PALM2AKAP2: variants seen among roughly 807,000 people sequenced by gnomAD.
The protein encoded by PALM2AKAP2 is PALM2 and AKAP2 fusion.
PALM2AKAP2 carries 37 observed loss-of-function variants against 71.5 expected under a neutral mutation model. The observed-to-expected ratio is 0.52, with a 90% CI of 0.40 to 0.68. The LOEUF (loss-of-function observed/expected upper bound fraction) is 0.68. Ranked by LOEUF, PALM2AKAP2 falls within the 30% of genes least tolerant of loss-of-function variation. The probability of loss-of-function intolerance (pLI) is 0.00; values close to 1 mark genes in which losing one functional copy is unlikely to be tolerated. For synonymous variants in PALM2AKAP2, 468 were observed against 478.8 expected (o/e 0.98, Z 0.29); for missense variants, 1,224 against 1,191.8 (o/e 1.03, Z -0.40).
intron 1 of PALM2AKAP2, among the ~76,000 whole-genome samples, chr9:109,759,231 A>T (rs1302446747): frequency 6.6e-6 from 1 of 152,056 alleles, no homozygotes; most frequent in Non-Finnish European, 1.5e-5. Flanking sequence ...TTTATGCATT[A>T]TAGAACCCAG....
chr9:110,099,950 G>C (rs981999987), intron 1 of PALM2AKAP2, among the ~76,000 whole-genome samples: 2 of 150,894 alleles, frequency 1.3e-5, no homozygotes, highest in South Asian at 2.1e-4. Flanking sequence ...AGAGCTGGAG[G>C]GGGAGGGGGT....
chr9:110,018,006 G>A (rs1359496249), intron 7 of PALM2AKAP2, among the ~76,000 whole-genome samples: 4 of 151,984 alleles, frequency 2.6e-5, no homozygotes, highest in Non-Finnish European at 4.4e-5. Flanking sequence ...GATTACAGGC[G>A]TGAGTCACCG....
At chr9:110,068,574 G>A (rs912114911) in intron 1 of PALM2AKAP2, among the ~76,000 whole-genome samples, 4 of 141,280 alleles carry the variant, frequency 2.8e-5, no homozygotes, top group Non-Finnish European at 5.9e-5. Flanking sequence ...CTGTTGCCCA[G>A]GCTGGAGTGT....
chr9:110,049,818 C>T (rs1333386340), intron 1 of PALM2AKAP2, among the ~76,000 whole-genome samples: 1 of 152,236 alleles, frequency 6.6e-6, no homozygotes, highest in Non-Finnish European at 1.5e-5. Context: ...AGCTGTGGCG[C>T]TGGTGGCCGG....
chr9:109,695,891 A>T (rs1827963089), intron 1 of PALM2AKAP2, among the ~76,000 whole-genome samples: 1 of 152,154 alleles, frequency 6.6e-6, no homozygotes, highest in Non-Finnish European at 1.5e-5. Flanking sequence ...GGTGATGAAG[A>T]GAGGTTGGTT....
At chr9:109,970,836 G>A (rs1024896099) in intron 6 of PALM2AKAP2, among the ~76,000 whole-genome samples, 1 of 152,204 alleles carries the variant, frequency 6.6e-6, no homozygotes, top group African/African-American at 2.4e-5. Context: ...GCCAGGTGCC[G>A]GGGCTCATGC....
At chr9:110,098,498 GTA>G (rs1437067236) in intron 1 of PALM2AKAP2, among the ~76,000 whole-genome samples, 7 of 152,172 alleles carry the variant, frequency 4.6e-5, no homozygotes, top group Non-Finnish European at 7.3e-5. Flanking sequence ...TGTAAATTAA[GTA>G]TATCTCAATG....
At chr9:110,108,104 GTTTTTCTT>G (rs1835159448) in intron 1 of PALM2AKAP2, among the ~76,000 whole-genome samples, 2 of 142,360 alleles carry the variant, frequency 1.4e-5, no homozygotes, top group African/African-American at 5.2e-5. Context: ...TGTGCCTTTT[GTTTTTCTT>G]TTTTTCTTTT....
intron 1 of PALM2AKAP2, among the ~76,000 whole-genome samples, chr9:109,654,459 G>C (rs535932798): frequency 9.9e-5 from 15 of 152,278 alleles, no homozygotes; most frequent in East Asian, 7.7e-4. Context: ...TTGTTAATTA[G>C]ACTGCACAGA....
intron 1 of PALM2AKAP2, among the ~76,000 whole-genome samples, chr9:110,102,842 A>G (rs1423106979): frequency 6.6e-6 from 1 of 152,094 alleles, no homozygotes; most frequent in East Asian, 1.9e-4. Context: ...TTCCTCCTCG[A>G]GCCCCTTACC....
chr9:109,974,674 T>A (rs1315894043), intron 6 of PALM2AKAP2, among the ~76,000 whole-genome samples: 2 of 152,200 alleles, frequency 1.3e-5, no homozygotes, highest in Admixed American at 6.5e-5. Flanking sequence ...ACCGCAATAG[T>A]AAGAAATACC....
intron 5 of PALM2AKAP2, among the ~76,000 whole-genome samples, chr9:109,929,415 C>A (rs1227173210): frequency 1.3e-5 from 2 of 152,078 alleles, no homozygotes; most frequent in East Asian, 3.9e-4. Flanking sequence ...TACTGCTTCA[C>A]TCTTCCCACG....
intron 6 of PALM2AKAP2, among the ~76,000 whole-genome samples, chr9:109,981,803 T>C (rs1369031746): frequency 6.6e-6 from 1 of 151,524 alleles, no homozygotes; most frequent in Non-Finnish European, 1.5e-5. Flanking sequence ...AAACACGCAA[T>C]AACAAATGCC....
chr9:109,887,123 A>G (rs1829982849), intron 3 of PALM2AKAP2, among the ~76,000 whole-genome samples: 1 of 152,242 alleles, frequency 6.6e-6, no homozygotes, highest in Non-Finnish European at 1.5e-5. Flanking sequence ...TCAAAGCCAA[A>G]GGCGTAGAGA....
chr9:110,046,980 G>A (rs569125149), upstream of PALM2AKAP2, among the ~76,000 whole-genome samples: 196 of 152,058 alleles, frequency 1.3e-3, no homozygotes, highest in Non-Finnish European at 1.9e-3. Context: ...TTTAATGTGA[G>A]TTTTTCACAT....
intron 1 of PALM2AKAP2, among the ~76,000 whole-genome samples, chr9:109,696,256 A>T (rs1257084423): frequency 6.6e-6 from 1 of 152,230 alleles, no homozygotes; most frequent in Non-Finnish European, 1.5e-5. Flanking sequence ...AAGAAAAAAA[A>T]GCCCAGTAGC....
At chr9:109,962,667 G>T (rs1831874081) in intron 6 of PALM2AKAP2, among the ~76,000 whole-genome samples, 1 of 148,074 alleles carries the variant, frequency 6.8e-6, no homozygotes, top group Non-Finnish European at 1.5e-5. Context: ...TTGTAAGACA[G>T]AGTCTTACTC....
intron 3 of PALM2AKAP2, among the ~76,000 whole-genome samples, chr9:109,884,910 G>A (rs1162552440): frequency 6.6e-6 from 1 of 152,178 alleles, no homozygotes; most frequent in East Asian, 1.9e-4. Context: ...AAGACTAAGG[G>A]AAATTGGGCC....
intron 1 of PALM2AKAP2, among the ~76,000 whole-genome samples, chr9:109,790,568 A>T (rs1041333156): frequency 2.0e-5 from 3 of 152,064 alleles, no homozygotes; most frequent in African/African-American, 7.2e-5. Context: ...GGGCTCTAGG[A>T]TTTGGGCAAC....
Sources: allele counts gnomAD v4.1 joint callset (sites outside exome capture counted in the v4.1 genomes callset), GRCh38; gene constraint gnomAD v4.1.1; transcripts MANE v1.5; gene names NCBI Gene and HGNC (gene_info 2026-07-23, HGNC 2026-07-21).